PDE1C: variants seen among roughly 807,000 people sequenced by gnomAD.
The protein encoded by PDE1C is dual specificity calcium/calmodulin-dependent 3',5'-cyclic nucleotide phosphodiesterase 1C.
Under a neutral mutation model 93.1 loss-of-function variants are expected in PDE1C, and 62 were observed. That is an observed-to-expected ratio of 0.67 (90% CI 0.54 to 0.82). The LOEUF (loss-of-function observed/expected upper bound fraction) is 0.82, where lower values mean the gene tolerates loss of function less well. PDE1C is among the 40% of genes least tolerant of loss of function. The pLI is 0.00. For synonymous variants in PDE1C, 325 were observed against 310.1 expected (o/e 1.05, Z -0.50); for missense variants, 742 against 884.6 (o/e 0.84, Z 2.04).
chr7:31,850,767 GATA>G, intron 7 of PDE1C, 26 bp from the exon 8 acceptor site: 3 of 1,501,438 alleles, frequency 2.0e-6, no homozygotes, highest in Non-Finnish European at 2.8e-6. Flanking sequence ...AGAGCAATCA[GATA>G]ATCTGTTTCT....
rs183457902 is a variant in PDE1C at position 31,753,165 on chromosome 7, C to A, written c.*219G>T. 16 of 396,940 alleles carry A rather than the reference C, an allele frequency of 4.0e-5. No individual in the cohort carries two copies. The highest frequency in any genetic ancestry group is 2.9e-4 in the African/African-American group (14 of 48,814). 24.6% of individuals were successfully genotyped at this position (396,940 alleles called of 1,614,324 possible). A position where few individuals can be genotyped will look rare whatever the true frequency, so the allele number is the denominator to read the frequency against. On this transcript the variant is annotated 3_prime_UTR_variant, in exon 18 of 18. Transcript: ENST00000396191. The stretch of plus-strand genomic sequence containing the variant: ...ACCCCTCTTGCTAGTTTGTTGCTGG[C>A]GTCTGGGCTGATCCCACATACAGCA...
intron 3 of PDE1C, among the ~76,000 whole-genome samples, chr7:32,164,728 C>T (rs1802121461): frequency 6.6e-6 from 1 of 152,174 alleles, no homozygotes; most frequent in Non-Finnish European, 1.5e-5. Context: ...CTTGTGGTAC[C>T]ATCTGAGCCA....
chr7:32,129,882 CA>C (rs957135068), intron 3 of PDE1C, among the ~76,000 whole-genome samples: 2 of 152,154 alleles, frequency 1.3e-5, no homozygotes, highest in African/African-American at 4.8e-5. Flanking sequence ...AAACAGAGCA[CA>C]CATTGTTCCA....
intron 2 of PDE1C, among the ~76,000 whole-genome samples, chr7:31,971,859 C>A (rs368623349): frequency 6.6e-6 from 1 of 152,228 alleles, no homozygotes; most frequent in African/African-American, 2.4e-5. Flanking sequence ...CCTTTACCCA[C>A]TGGTTTCCTG....
chr7:31,710,367 T>C, the PDE1C span, among the ~76,000 whole-genome samples: 4 of 152,164 alleles, frequency 2.6e-5, no homozygotes, highest in Non-Finnish European at 5.9e-5. Flanking sequence ...CACAAAGCCT[T>C]TCTTTAAATC....
At chr7:31,930,140 A>G (rs113108245) in intron 2 of PDE1C, among the ~76,000 whole-genome samples, 1 of 152,318 alleles carries the variant, frequency 6.6e-6, no homozygotes, top group African/African-American at 2.4e-5. Flanking sequence ...ACACCTCTAC[A>G]CAAATCAACT....
intron 1 of PDE1C, among the ~76,000 whole-genome samples, chr7:32,324,800 T>G (rs1224615519): frequency 1.3e-5 from 2 of 152,014 alleles, no homozygotes; most frequent in African/African-American, 2.4e-5. Flanking sequence ...AATTTAAAAA[T>G]TAGCTGGGTG....
chr7:31,837,245 G>C lies in PDE1C; in HGVS notation c.1138C>G (p.Pro380Ala). Residue 380 changes from proline to alanine, a missense_variant, in exon 11 of 18, where the codon CCA (proline) becomes GCA (alanine). Coordinates refer to ENST00000396191, the MANE Select transcript of PDE1C (RefSeq NM_001191057.4). ...TGATGGAGGTCCCATGCTTTTGCTG[G>C]ATGGCTAATATCTGCTGTATGCAGC... Reference protein sequence around the residue: ...LMLHTADISHPAKAWDLHHRW... With the variant: ...LMLHTADISHAAKAWDLHHRW... 1.2e-6 allele frequency: 2 copies of C among 1,613,816 alleles called. No homozygotes were observed. The highest frequency in any genetic ancestry group is 1.7e-6 in the Non-Finnish European group (2 of 1,179,772).
chr7:32,258,765 A>AT (rs1809988106), intron 1 of PDE1C, among the ~76,000 whole-genome samples: 3 of 152,156 alleles, frequency 2.0e-5, no homozygotes, highest in African/African-American at 4.8e-5. Flanking sequence ...GCCTTCTGTG[A>AT]TTTTTTACTC....
rs564912350 is a variant in PDE1C, at chr7:31,861,452, T to C, written c.750+3490A>G. ...TTATCCCTGATCTCCCCTGGAACTC[T>C]AGCACCCTTTTTCTTTCTGCTTGGC... On this transcript the variant is annotated intron_variant, in intron 7 of 17. Coordinates refer to ENST00000396191, the MANE Select transcript of PDE1C (RefSeq NM_001191057.4). Among the ~76,000 whole-genome samples the C allele has an allele frequency of 1.9e-4, 29 of 152,140 alleles. No homozygotes were observed. In the East Asian group the frequency reaches 5.4e-3, roughly 29 times the overall value.
chr7:32,240,337 G>A (rs937269477), intron 1 of PDE1C, among the ~76,000 whole-genome samples: 14 of 152,162 alleles, frequency 9.2e-5, no homozygotes, highest in African/African-American at 3.4e-4. Context: ...CTTACTATAT[G>A]CTAGGCACTC....
intron 1 of PDE1C, among the ~76,000 whole-genome samples, chr7:32,249,271 G>C (rs530848291): frequency 6.4e-4 from 97 of 151,990 alleles, no homozygotes; most frequent in African/African-American, 2.3e-3. Context: ...CACTGCAGGG[G>C]GTGCTTCTAA....
intron 1 of PDE1C, among the ~76,000 whole-genome samples, chr7:32,336,486 T>C (rs1300137519): frequency 6.6e-6 from 1 of 152,048 alleles, no homozygotes; most frequent in East Asian, 1.9e-4. Context: ...GAAACATAAG[T>C]CTCATAATCT....
At chr7:32,100,267 T>A (rs1797979015) in intron 3 of PDE1C, among the ~76,000 whole-genome samples, 1 of 152,242 alleles carries the variant, frequency 6.6e-6, no homozygotes, top group Admixed American at 6.5e-5. Flanking sequence ...AAAGAATAAT[T>A]TCTTATTTGT....
chr7:32,085,099 C>T (rs1473018901), intron 3 of PDE1C, among the ~76,000 whole-genome samples: 1 of 147,526 alleles, frequency 6.8e-6, no homozygotes, highest in Admixed American at 6.7e-5. Context: ...AATTGATAGA[C>T]CGCTAGCAAG....
intron 1 of PDE1C, among the ~76,000 whole-genome samples, chr7:32,318,936 A>G (rs934674073): frequency 6.6e-6 from 1 of 152,180 alleles, no homozygotes; most frequent in Non-Finnish European, 1.5e-5. Flanking sequence ...TTCGCTCCGC[A>G]ATGGCTGAAA....
At chr7:31,929,385 A>G (rs1803881948) in intron 2 of PDE1C, among the ~76,000 whole-genome samples, 2 of 152,224 alleles carry the variant, frequency 1.3e-5, no homozygotes, top group Admixed American at 6.5e-5. Flanking sequence ...TCGATGAGAC[A>G]GAAAATTAAC....
upstream of PDE1C, among the ~76,000 whole-genome samples, chr7:32,072,092 C>T (rs1584701379): frequency 6.6e-6 from 1 of 152,192 alleles, no homozygotes; most frequent in Admixed American, 6.5e-5. Context: ...ATTCACCTGA[C>T]CTTAACAAAG....
At chr7:31,827,971 T>G (rs1229642732) in intron 12 of PDE1C, among the ~76,000 whole-genome samples, 1 of 152,082 alleles carries the variant, frequency 6.6e-6, no homozygotes, top group Non-Finnish European at 1.5e-5. Flanking sequence ...CAGTCCTGCA[T>G]GCAGAATGGC....
Sources: allele counts gnomAD v4.1 joint callset (sites outside exome capture counted in the v4.1 genomes callset), GRCh38; gene constraint gnomAD v4.1.1; transcripts MANE v1.5; gene names NCBI Gene and HGNC (gene_info 2026-07-23, HGNC 2026-07-21).